The following PCSK2 variants were observed in gnomAD, a reference collection of about 807,000 sequenced individuals.
The protein encoded by PCSK2 is neuroendocrine convertase 2.
Under a neutral mutation model 69.7 loss-of-function variants are expected in PCSK2, and 14 were observed. The ratio of observed to expected loss-of-function variants is 0.20; its 90% confidence interval spans 0.13 to 0.31. The LOEUF (loss-of-function observed/expected upper bound fraction) is 0.31, where lower values mean the gene tolerates loss of function less well. Ranked by LOEUF, PCSK2 falls within the 10% of genes least tolerant of loss-of-function variation. The probability of loss-of-function intolerance (pLI) is 1.00; values close to 1 mark genes in which losing one functional copy is unlikely to be tolerated. For missense variants in PCSK2, 544 were observed against 842.5 expected (o/e 0.65, Z 4.39); for synonymous variants, 307 against 320.7 (o/e 0.96, Z 0.46).
At chr20:17,260,395 C>T in intron 2 of PCSK2, 51 bp downstream of exon 2, 5 of 1,276,824 alleles carry the variant, frequency 3.9e-6, no homozygotes, top group Non-Finnish European at 5.7e-6. Context: ...CATGGCTGAG[C>T]CCACCAAGGG....
chr20:17,373,205 G>A (rs757010966), intron 5 of PCSK2, among the ~76,000 whole-genome samples: 16 of 152,138 alleles, frequency 1.1e-4, no homozygotes, highest in South Asian at 2.1e-4. Flanking sequence ...GAATGAGTCC[G>A]GGAAGGAAAG....
In PCSK2 at chr20:17,298,664, T is replaced by G. The variant is rs1287998604; in HGVS notation, c.282+38320T>G. 3.3e-5 allele frequency among the ~76,000 whole-genome samples: 5 copies of G among 152,336 alleles called. No individual in the cohort carries two copies. In the East Asian group the frequency reaches 9.6e-4, roughly 29 times the overall value. On this transcript the variant is annotated intron_variant, in intron 2 of 11. Coordinates refer to ENST00000262545, the MANE Select transcript of PCSK2 (RefSeq NM_002594.5). ...CACTCTTAAATTTTTAAATTCCTGT[T>G]TATCCCTCGACGGGCTAGAAAATAT...
Position 17,473,898 on chromosome 20 carries a change from A to G in PCSK2, c.1431-7686A>G, listed in dbSNP as rs1256948394. On this transcript the variant is annotated intron_variant, in intron 11 of 11. Transcript: ENST00000262545. ...CTCTCAGCAGACCCAGCTCCTGTGC[A>G]GGAAGCAGTTCACATGGCAGGGCAG... is the stretch of plus-strand genomic sequence containing the variant. Among the ~76,000 whole-genome samples the G allele has an allele frequency of 3.3e-5, 5 of 152,250 alleles. No homozygotes were observed. In the East Asian group the frequency reaches 9.6e-4, roughly 29 times the overall value.
chr20:17,269,045 G>A (rs1987753091), intron 2 of PCSK2, among the ~76,000 whole-genome samples: 1 of 152,236 alleles, frequency 6.6e-6, no homozygotes. Context: ...GGACAAGATG[G>A]TGAGAGGAGC....
At chr20:17,405,152 T>C (rs2031725392) in intron 5 of PCSK2, among the ~76,000 whole-genome samples, 1 of 152,202 alleles carries the variant, frequency 6.6e-6, no homozygotes, top group African/African-American at 2.4e-5. Flanking sequence ...TTTTACCACC[T>C]ACATTTTGAA....
At chr20:17,314,314 C>T (rs566853572) in intron 2 of PCSK2, among the ~76,000 whole-genome samples, 1 of 152,296 alleles carries the variant, frequency 6.6e-6, no homozygotes, top group South Asian at 2.1e-4. Context: ...CAGAGCCAGG[C>T]TTGAAAATAA....
intron 9 of PCSK2, among the ~76,000 whole-genome samples, chr20:17,455,849 T>C (rs1008499097): frequency 1.3e-5 from 2 of 152,244 alleles, no homozygotes; most frequent in Non-Finnish European, 2.9e-5. Context: ...TTACGTGGGC[T>C]ACTAGGAAGC....
intron 2 of PCSK2, among the ~76,000 whole-genome samples, chr20:17,277,133 G>A (rs895741393): frequency 2.0e-5 from 3 of 151,988 alleles, no homozygotes; most frequent in Non-Finnish European, 4.4e-5. Context: ...TGTGAAAATG[G>A]CCATACTGCC....
At chr20:17,398,176 C>G (rs903464110) in intron 5 of PCSK2, among the ~76,000 whole-genome samples, 1 of 151,946 alleles carries the variant, frequency 6.6e-6, no homozygotes, top group African/African-American at 2.4e-5. Context: ...GCTATGGATG[C>G]AGAAAGGAAA....
At chr20:17,413,942 T>C (rs896327943) in intron 6 of PCSK2, among the ~76,000 whole-genome samples, 12 of 152,076 alleles carry the variant, frequency 7.9e-5, no homozygotes, top group African/African-American at 2.4e-4. Flanking sequence ...ACTGGGTACA[T>C]AACGAAATGA....
intron 5 of PCSK2, among the ~76,000 whole-genome samples, chr20:17,398,858 G>T (rs530010170): frequency 1.3e-5 from 2 of 152,148 alleles, no homozygotes; most frequent in South Asian, 2.1e-4. Flanking sequence ...AGCTCTCCAG[G>T]TGATTCTCTT....
At chr20:17,239,173 A>T (rs992392117) in intron 1 of PCSK2, among the ~76,000 whole-genome samples, 1 of 152,228 alleles carries the variant, frequency 6.6e-6, no homozygotes, top group Non-Finnish European at 1.5e-5. Context: ...CACAAATCCT[A>T]TTCCTCTTTG....
chr20:17,349,340 T>C (rs1380216035), intron 2 of PCSK2, among the ~76,000 whole-genome samples: 3 of 152,242 alleles, frequency 2.0e-5, no homozygotes, highest in Non-Finnish European at 4.4e-5. Context: ...TATTCCCCTT[T>C]CTGTGAGATG....
At chr20:17,400,840 C>T (rs2114728) in intron 5 of PCSK2, among the ~76,000 whole-genome samples, 124,024 of 152,168 alleles carry the variant, frequency 0.82, 51,279 homozygotes, top group African/African-American at 0.9. Flanking sequence ...TAGTTTCATA[C>T]CTCATTCTTT....
chr20:17,250,216 C>A (rs1396827652), intron 1 of PCSK2, among the ~76,000 whole-genome samples: 1 of 152,134 alleles, frequency 6.6e-6, no homozygotes, highest in African/African-American at 2.4e-5. Context: ...ACGATTCAAT[C>A]CAAAATATGA....
At chr20:17,390,512 A>C (rs1375724207) in intron 5 of PCSK2, among the ~76,000 whole-genome samples, 4 of 152,212 alleles carry the variant, frequency 2.6e-5, no homozygotes, top group African/African-American at 4.8e-5. Flanking sequence ...TGAGTGGAGA[A>C]GCCTGCCCAT....
At chr20:17,461,096 T>C (rs2033006818) in intron 10 of PCSK2, among the ~76,000 whole-genome samples, 2 of 152,288 alleles carry the variant, frequency 1.3e-5, no homozygotes, top group Middle Eastern at 6.8e-3. Context: ...CATCCTGCCA[T>C]GGCAATGGGT....
intron 2 of PCSK2, among the ~76,000 whole-genome samples, chr20:17,348,087 G>GA (rs1254843732): frequency 7.1e-6 from 1 of 141,290 alleles, no homozygotes; most frequent in Non-Finnish European, 1.6e-5. Context: ...AAGAAAGAAA[G>GA]AAAGAAAGAA....
intron 2 of PCSK2, among the ~76,000 whole-genome samples, chr20:17,303,043 C>T (rs1427277203): frequency 6.6e-6 from 1 of 151,528 alleles, no homozygotes; most frequent in Non-Finnish European, 1.5e-5. Flanking sequence ...TTCTCCTAAA[C>T]TTTTTTCTAT....
Sources: gnomAD v4.1 joint callset for allele counts (sites outside exome capture counted in the v4.1 genomes callset) on GRCh38, gnomAD v4.1.1 for gene constraint, MANE v1.5 for transcripts, NCBI Gene and HGNC (gene_info 2026-07-23, HGNC 2026-07-21) for gene names.